The following IGF1R variants were observed in gnomAD, a reference collection of about 807,000 sequenced individuals.
IGF1R encodes the protein insulin-like growth factor 1 receptor.
A neutral mutation model predicts 144.6 loss-of-function variants in IGF1R; 44 were observed. That is an observed-to-expected ratio of 0.30 (90% CI 0.24 to 0.39). IGF1R has a LOEUF of 0.39. IGF1R is among the 10% of genes least tolerant of loss of function. The pLI is 1.00. For synonymous variants in IGF1R, 795 were observed against 722.8 expected (o/e 1.10, Z -1.60); for missense variants, 1,355 against 1,833.7 (o/e 0.74, Z 4.77).
intron 20 of IGF1R, among the ~76,000 whole-genome samples, chr15:98,952,272 C>T (rs1239046420): frequency 6.7e-6 from 1 of 149,224 alleles, no homozygotes; most frequent in Non-Finnish European, 1.5e-5. Flanking sequence ...ACTGGGGATC[C>T]GGGAGCCTGG....
chr15:98,665,855 A>G (rs2052724102), intron 1 of IGF1R, among the ~76,000 whole-genome samples: 1 of 152,236 alleles, frequency 6.6e-6, no homozygotes, highest in Non-Finnish European at 1.5e-5. Flanking sequence ...TGGATCGCAC[A>G]AGGTCTTCCT....
intron 2 of IGF1R, among the ~76,000 whole-genome samples, chr15:98,722,174 G>C (rs2054261461): frequency 1.3e-5 from 2 of 152,144 alleles, no homozygotes; most frequent in Admixed American, 1.3e-4. Context: ...TCTGTTGTGA[G>C]ATAAGATAAA....
At chr15:98,914,778 C>T (rs950956728) in intron 8 of IGF1R, among the ~76,000 whole-genome samples, 11 of 152,214 alleles carry the variant, frequency 7.2e-5, no homozygotes, top group African/African-American at 2.7e-4. Flanking sequence ...TCCTTACACG[C>T]AGCGGAGACA....
intron 2 of IGF1R, among the ~76,000 whole-genome samples, chr15:98,764,558 G>T (rs2055388854): frequency 6.6e-6 from 1 of 152,206 alleles, no homozygotes. Flanking sequence ...GCACAGAAAA[G>T]AGGACATTTT....
chr15:98,924,465 G>T, intron 12 of IGF1R, 60 bp from the exon 13 acceptor site: 1 of 1,560,414 alleles, frequency 6.4e-7, no homozygotes, highest in Non-Finnish European at 8.8e-7. Flanking sequence ...AGTTTAGTTG[G>T]CAGGCCCCAG....
chr15:98,948,299 G>A lies in IGF1R; in HGVS notation c.3588-275G>A, dbSNP rs1033061033. On this transcript the variant is annotated intron_variant, in intron 19 of 20. Transcript: ENST00000650285. ...CTCTGCGTTCAAAGCACAGATCAGG[G>A]GCTTCCTGACCGTGCAAGGGATGCC... 2.4e-4 allele frequency among the ~76,000 whole-genome samples: 37 copies of A among 152,178 alleles called. No individual in the cohort carries two copies. The Middle Eastern group carries it at 0.014, about 56-fold the overall frequency.
chr15:98,779,192 G>A (rs1346442612), intron 2 of IGF1R, among the ~76,000 whole-genome samples: 1 of 152,172 alleles, frequency 6.6e-6, no homozygotes, highest in African/African-American at 2.4e-5. Flanking sequence ...GTGCCACAGA[G>A]TTCTGGAAAT....
intron 2 of IGF1R, among the ~76,000 whole-genome samples, chr15:98,867,460 C>T (rs1304305061): frequency 2.0e-5 from 3 of 152,312 alleles, no homozygotes; most frequent in East Asian, 3.9e-4. Context: ...CCCCACGGCT[C>T]CTTTGCCTAG....
chr15:98,793,505 T>C (rs1217852629), intron 2 of IGF1R, among the ~76,000 whole-genome samples: 1 of 152,248 alleles, frequency 6.6e-6, no homozygotes, highest in East Asian at 1.9e-4. Flanking sequence ...GCAGTCAGAA[T>C]ACATTTTTCT....
At chr15:98,918,834 G>A (rs577123910) in intron 10 of IGF1R, among the ~76,000 whole-genome samples, 2 of 152,064 alleles carry the variant, frequency 1.3e-5, no homozygotes, top group East Asian at 3.9e-4. Flanking sequence ...AGCTGAGATC[G>A]CACCGTTGCA....
At chr15:98,731,067 CTT>C (rs2054486539) in intron 2 of IGF1R, among the ~76,000 whole-genome samples, 1 of 152,210 alleles carries the variant, frequency 6.6e-6, no homozygotes, top group African/African-American at 2.4e-5. Context: ...TTGAAAATAA[CTT>C]GGTCTGTTCT....
intron 2 of IGF1R, among the ~76,000 whole-genome samples, chr15:98,813,624 A>G (rs905550983): frequency 2.6e-5 from 4 of 152,192 alleles, no homozygotes; most frequent in African/African-American, 4.8e-5. Context: ...TTCAGTGGCA[A>G]TTGTCTTTTA....
intron 2 of IGF1R, among the ~76,000 whole-genome samples, chr15:98,886,604 G>C (rs1171209894): frequency 1.3e-5 from 2 of 152,284 alleles, no homozygotes; most frequent in East Asian, 3.9e-4. Flanking sequence ...AGCCAGAGAA[G>C]AGGGTCCCTT....
chr15:98,874,932 C>T (rs2012978610), intron 2 of IGF1R, among the ~76,000 whole-genome samples: 1 of 152,214 alleles, frequency 6.6e-6, no homozygotes, highest in African/African-American at 2.4e-5. Flanking sequence ...GCTCGTGCTG[C>T]AGTGAACAAA....
intron 1 of IGF1R, among the ~76,000 whole-genome samples, chr15:98,650,298 C>A (rs1253909199): frequency 6.6e-6 from 1 of 152,204 alleles, no homozygotes; most frequent in Non-Finnish European, 1.5e-5. Context: ...TCGGGCTCCT[C>A]GGGTTCCTGG....
intron 1 of IGF1R, among the ~76,000 whole-genome samples, chr15:98,687,647 G>T (rs995422028): frequency 1.3e-5 from 2 of 152,174 alleles, no homozygotes; most frequent in Non-Finnish European, 2.9e-5. Flanking sequence ...CTAGACCAGG[G>T]TCCAGCCCCC....
chr15:98,782,769 C>T (rs1200430386), intron 2 of IGF1R, among the ~76,000 whole-genome samples: 3 of 152,150 alleles, frequency 2.0e-5, no homozygotes, highest in Non-Finnish European at 4.4e-5. Flanking sequence ...CAGAAAGTTG[C>T]TCAATAATAG....
At chr15:98,767,856 C>A (rs1416896428) in intron 2 of IGF1R, among the ~76,000 whole-genome samples, 1 of 152,050 alleles carries the variant, frequency 6.6e-6, no homozygotes, top group Non-Finnish European at 1.5e-5. Flanking sequence ...TCTCCATCTC[C>A]CAAGCATCTT....
chr15:98,649,530 T>TC lies in IGF1R; in HGVS notation c.-52_-51insC, dbSNP rs374921120. On this transcript the variant is annotated 5_prime_UTR_variant, in exon 1 of 21. Coordinates refer to ENST00000650285, the MANE Select transcript of IGF1R (RefSeq NM_000875.5). ...TCCTTTTTTTCTTTTCTTTTCTTTTTTTTTTTTTTTTTTTTTTTTGAGAAA... is the reference window on the plus strand; with the variant it reads ...TCCTTTTTTTCTTTTCTTTTCTTTTTCTTTTTTTTTTTTTTTTTTTGAGAAA... 6.6e-5 allele frequency: 9 copies of TC among 136,800 alleles called. No homozygotes were observed. Among genetic ancestry groups the TC allele is most frequent in the South Asian group, 4.7e-4 (5 of 10,580 alleles). The allele number at this position is 136,800 out of a possible 1,614,324, so 8.5% of individuals were successfully genotyped here. A position where few individuals can be genotyped will look rare whatever the true frequency, so the allele number is the denominator to read the frequency against.
Sources: allele counts gnomAD v4.1 joint callset (sites outside exome capture counted in the v4.1 genomes callset), GRCh38; gene constraint gnomAD v4.1.1; transcripts MANE v1.5; gene names NCBI Gene and HGNC (gene_info 2026-07-23, HGNC 2026-07-21).